The following HABP4 variants were observed in gnomAD, a reference collection of about 807,000 sequenced individuals.
HABP4 encodes the protein intracellular hyaluronan-binding protein 4.
Under a neutral mutation model 44.1 loss-of-function variants are expected in HABP4, and 32 were observed. That is an observed-to-expected ratio of 0.73 (90% confidence interval 0.55 to 0.97). The LOEUF (loss-of-function observed/expected upper bound fraction) is 0.97. Among genes scored for constraint, HABP4 ranks in the 50% least tolerant of loss-of-function variants. The pLI is 0.00. For synonymous variants in HABP4, 216 were observed against 218.0 expected (o/e 0.99, Z 0.08); for missense variants, 503 against 561.9 (o/e 0.90, Z 1.06).
intron 3 of HABP4, 47 bp from the exon 4 acceptor site, chr9:96,465,660 TTGA>T: frequency 7.6e-7 from 1 of 1,316,060 alleles, no homozygotes; most frequent in Non-Finnish European, 1.1e-6. Flanking sequence ...GATTTGGAGA[TTGA>T]CTGGAGACTA....
intron 2 of HABP4, among the ~76,000 whole-genome samples, chr9:96,460,042 A>T (rs77799014): frequency 0.014 from 2,085 of 152,240 alleles, 45 homozygotes; most frequent in African/African-American, 0.047. Context: ...CACTTTAGGG[A>T]TTCTGTGGAA....
intron 5 of HABP4, chr9:96,483,400 G>C (rs535689015): frequency 6.7e-6 from 1 of 148,686 alleles, no homozygotes; most frequent in Non-Finnish European, 1.5e-5. Context: ...TAAAGAGACA[G>C]TGTCTCATTC....
At chr9:96,476,442 A>G (rs1356308436) in intron 5 of HABP4, among the ~76,000 whole-genome samples, 1 of 152,216 alleles carries the variant, frequency 6.6e-6, no homozygotes, top group Admixed American at 6.5e-5. Context: ...TGTATATAGC[A>G]TTATTCACAT....
chr9:96,489,800 G>C (rs1021825921), intron 7 of HABP4, among the ~76,000 whole-genome samples, 182 bp from the exon 8 acceptor site: 2 of 152,230 alleles, frequency 1.3e-5, no homozygotes, highest in African/African-American at 4.8e-5. Context: ...CTGGAGGCCT[G>C]TGTGGGAGGG....
chr9:96,478,425 C>G (rs536400507), intron 5 of HABP4, among the ~76,000 whole-genome samples: 1 of 152,278 alleles, frequency 6.6e-6, no homozygotes, highest in African/African-American at 2.4e-5. Context: ...GCCACCGTGC[C>G]CGTCCTGAAC....
intron 5 of HABP4, among the ~76,000 whole-genome samples, chr9:96,472,373 C>T (rs1469738795): frequency 2.0e-5 from 3 of 152,220 alleles, no homozygotes; most frequent in Non-Finnish European, 4.4e-5. Context: ...AACCCTGACA[C>T]TGCCTCCCAC....
chr9:96,465,606 C>G, intron 3 of HABP4, 104 bp from the exon 4 acceptor site: 3 of 1,154,956 alleles, frequency 2.6e-6, no homozygotes, highest in Non-Finnish European at 1.3e-6. Context: ...TGCTGTTATT[C>G]TTGTGAGAAG....
chr9:96,460,016 G>A (rs376490083), intron 2 of HABP4, among the ~76,000 whole-genome samples: 1 of 152,128 alleles, frequency 6.6e-6, no homozygotes, highest in Non-Finnish European at 1.5e-5. Flanking sequence ...AAGCATTTGG[G>A]TATTTATTTT....
chr9:96,484,830 C>G (rs897378906), intron 6 of HABP4, among the ~76,000 whole-genome samples, 197 bp downstream of exon 6: 1 of 152,110 alleles, frequency 6.6e-6, no homozygotes, highest in Admixed American at 6.5e-5. Context: ...TTGACAGATG[C>G]ACAGAGCAGT....
intron 1 of HABP4, among the ~76,000 whole-genome samples, chr9:96,454,613 C>T (rs1229438816): frequency 6.6e-6 from 1 of 152,158 alleles, no homozygotes; most frequent in African/African-American, 2.4e-5. Flanking sequence ...CCACGCCTGG[C>T]TAATTTTTTG....
At chr9:96,461,306 G>A (rs976779792) in intron 2 of HABP4, among the ~76,000 whole-genome samples, 3 of 152,072 alleles carry the variant, frequency 2.0e-5, no homozygotes, top group Non-Finnish European at 2.9e-5. Context: ...AATAATGGGG[G>A]GAGGGTAAAC....
In HABP4 at chr9:96,465,750, C is replaced by T. The variant is rs1832589850; in HGVS notation, c.715C>T (p.Arg239Ter). The change falls in exon 4 of 8, where the codon CGA (arginine) becomes TGA (stop). Residue 239 changes from arginine (R) to a stop codon, truncating the protein, a stop_gained. Transcript: ENST00000375249. LOFTEE classifies it high-confidence loss of function. ...AGACAACATGGGTGGATGTGGAGTT[C>T]GAACCTGGGGATCGGGTAAAGATAC... ...TEDNMGGCGVRTWGSGKDTSD... is the reference protein window; with the variant it reads ...TEDNMGGCGV 3.1e-6 allele frequency: 5 copies of T among 1,600,362 alleles called. No individual in the cohort carries two copies. The highest frequency in any genetic ancestry group is 1.7e-5 in the Admixed American group (1 of 59,986).
intron 1 of HABP4, among the ~76,000 whole-genome samples, chr9:96,456,850 A>G (rs984007922): frequency 9.2e-5 from 13 of 140,756 alleles, no homozygotes; most frequent in Non-Finnish European, 1.4e-4. Context: ...TGTCATAGCT[A>G]TACAACTAAT....
intron 2 of HABP4, among the ~76,000 whole-genome samples, chr9:96,463,748 A>G (rs1832548281): frequency 6.6e-6 from 1 of 152,172 alleles, no homozygotes; most frequent in Non-Finnish European, 1.5e-5. Flanking sequence ...TTTTTGAGTA[A>G]GGAAGATTGC....
intron 1 of HABP4, among the ~76,000 whole-genome samples, chr9:96,456,790 T>C (rs1185402412): frequency 2.9e-4 from 19 of 66,192 alleles, no homozygotes; most frequent in Non-Finnish European, 4.5e-4. Context: ...AATATATATA[T>C]ATATATATAT....
chr9:96,451,445 C>T, intron 1 of HABP4: 3 of 984,040 alleles, frequency 3.0e-6, no homozygotes, highest in Non-Finnish European at 3.6e-6. Context: ...AACACTCCAC[C>T]TGTGTTTCCT....
At chr9:96,459,390 G>A (rs539329707) in intron 2 of HABP4, among the ~76,000 whole-genome samples, 4 of 152,272 alleles carry the variant, frequency 2.6e-5, no homozygotes, top group South Asian at 4.1e-4. Context: ...GACAGAAGTC[G>A]TGGGCTGGTG....
At chr9:96,452,226 CAAAAAA>C (rs74398822) in intron 1 of HABP4, among the ~76,000 whole-genome samples, 2 of 109,282 alleles carry the variant, frequency 1.8e-5, no homozygotes, top group Non-Finnish European at 3.9e-5. Context: ...GACTCCGTCA[CAAAAAA>C]AAAAAAAAAA....
Position 96,490,220 on chromosome 9 carries a change from C to A in HABP4, c.*182C>A. 3 of 585,054 alleles carry A rather than the reference C, an allele frequency of 5.1e-6. No homozygotes were observed. The highest frequency in any genetic ancestry group is 9.1e-6 in the Non-Finnish European group (3 of 328,960). 36.2% of individuals were successfully genotyped at this position (585,054 alleles called of 1,614,324 possible). ...GCTTCTCCAGAGGCTCGAGAGCAGGCCATTTCCCAAGAAGATGAAGAATGG... is the reference window on the plus strand; with the variant it reads ...GCTTCTCCAGAGGCTCGAGAGCAGGACATTTCCCAAGAAGATGAAGAATGG... On this transcript the variant is annotated 3_prime_UTR_variant, in exon 8 of 8. Transcript: ENST00000375249.
Sources: allele counts gnomAD v4.1 joint callset (sites outside exome capture counted in the v4.1 genomes callset), GRCh38; gene constraint gnomAD v4.1.1; transcripts MANE v1.5; gene names NCBI Gene and HGNC (gene_info 2026-07-23, HGNC 2026-07-21).